Variants in RBM47 observed in about 807,000 individuals in gnomAD.
RBM47 encodes the protein RNA binding motif protein 47.
RBM47 carries 21 observed loss-of-function variants against 47.1 expected under a neutral mutation model. The observed-to-expected ratio is 0.45, with a 90% CI of 0.32 to 0.64. The LOEUF is 0.64. Ranked by LOEUF, RBM47 falls within the 30% of genes least tolerant of loss-of-function variation. The pLI is 0.05. For synonymous variants in RBM47, 375 were observed against 361.7 expected, an observed-to-expected ratio of 1.04 and a Z score of -0.42; for missense variants, 708 against 870.9, an observed-to-expected ratio of 0.81 and a Z score of 2.35.
chr4:40,572,718 C>G (rs1170340784), intron 1 of RBM47, among the ~76,000 whole-genome samples: 1 of 151,458 alleles, frequency 6.6e-6, no homozygotes, highest in African/African-American at 2.4e-5. Flanking sequence ...GACCTTATCT[C>G]TATTTTTTAA....
chr4:40,625,903 T>TA (rs1737695175), intron 1 of RBM47, among the ~76,000 whole-genome samples: 1 of 152,198 alleles, frequency 6.6e-6, no homozygotes, highest in Non-Finnish European at 1.5e-5. Flanking sequence ...TTTTCAGGGT[T>TA]ACACTAGCAC....
chr4:40,451,591 G>GT (rs920945079), intron 3 of RBM47, among the ~76,000 whole-genome samples: 15 of 151,566 alleles, frequency 9.9e-5, no homozygotes, highest in African/African-American at 2.2e-4. Flanking sequence ...AAAATTTACA[G>GT]TTTTTTTTTA....
intron 2 of RBM47, among the ~76,000 whole-genome samples, chr4:40,488,348 TG>T (rs1240009283): frequency 3.9e-4 from 4 of 10,288 alleles, no homozygotes; most frequent in African/African-American, 1.6e-3. Flanking sequence ...AAAAAAAGGG[TG>T]GGGGGGAAGG....
At chr4:40,493,846 C>T (rs910991634) in intron 2 of RBM47, among the ~76,000 whole-genome samples, 4 of 150,066 alleles carry the variant, frequency 2.7e-5, no homozygotes, top group Non-Finnish European at 4.4e-5. Flanking sequence ...GGTTGAGGCA[C>T]GAGAGTTGCT....
Position 40,425,493 on chromosome 4 carries a change from A to T in RBM47, c.*411T>A, listed in dbSNP as rs1714896588. 6.3e-6 allele frequency: 1 copy of T among 157,826 alleles called. No homozygotes were observed. Among genetic ancestry groups the T allele is most frequent in the African/African-American group, 2.4e-5 (1 of 41,522 alleles). The allele number at this position is 157,826 out of a possible 1,614,324, so 9.8% of individuals were successfully genotyped here. ...TTCAAAATAGTTCCCTAGCTCCTCAAGTGTGCTTTTTTAATATATAGTTGA... is the reference window on the plus strand; with the variant it reads ...TTCAAAATAGTTCCCTAGCTCCTCATGTGTGCTTTTTTAATATATAGTTGA... On this transcript the variant is annotated 3_prime_UTR_variant, in exon 7 of 7. Coordinates refer to ENST00000295971, the MANE Select transcript of RBM47 (RefSeq NM_001098634.2).
intron 2 of RBM47, among the ~76,000 whole-genome samples, chr4:40,479,595 A>AAAATAAATAAAT (rs549953610): frequency 2.0e-4 from 31 of 151,438 alleles, no homozygotes; most frequent in South Asian, 6.3e-4. Flanking sequence ...TCCTGTCTCA[A>AAAATAAATAAAT]AAATAAATAA....
At chr4:40,490,951 G>T (rs1721788031) in intron 2 of RBM47, among the ~76,000 whole-genome samples, 1 of 152,046 alleles carries the variant, frequency 6.6e-6, no homozygotes, top group African/African-American at 2.4e-5. Flanking sequence ...AAGGGGCCCA[G>T]AATAGCCAAA....
Position 40,436,553 on chromosome 4 carries a change from A to G in RBM47, c.1218T>C (p.Gly406=), listed in dbSNP as rs781536793. The G allele has an allele frequency of 1.2e-6, 2 of 1,614,152 alleles. No individual in the cohort carries two copies. Among genetic ancestry groups the G allele is most frequent in the South Asian group, 2.2e-5 (2 of 91,088 alleles). ...TCCCTTCATGATATCGGCTATATATACCACGACCAGCAGAATATCCCCCGA... is the reference window on the plus strand; with the variant it reads ...TCCCTTCATGATATCGGCTATATATGCCACGACCAGCAGAATATCCCCCGA... ...SYLGGYSAGR[G]IYSRYHEGKG... Residue 406 remains glycine, a synonymous_variant, in exon 5 of 7, where the codon GGT becomes GGC. Coordinates refer to ENST00000295971, the MANE Select transcript of RBM47 (RefSeq NM_001098634.2).
chr4:40,438,882 C>T lies in RBM47; in HGVS notation c.12G>A (p.Glu4=). 6.4e-7 allele frequency: 1 copy of T among 1,551,752 alleles called. No individual in the cohort carries two copies. The highest frequency in any genetic ancestry group is 8.7e-7 in the Non-Finnish European group (1 of 1,154,278). The change falls in exon 4 of 7, where the codon GAG becomes GAA. Residue 4 remains glutamate (E), a synonymous_variant. Transcript: ENST00000295971. ...CACTGCTCATGGCTGCGGTGGAATCCTCTGCGGTCATAATGTCAAAGGCAT... is the reference window on the plus strand; with the variant it reads ...CACTGCTCATGGCTGCGGTGGAATCTTCTGCGGTCATAATGTCAAAGGCAT... MTA[E]DSTAAMSSDS...
intron 2 of RBM47, among the ~76,000 whole-genome samples, chr4:40,521,977 T>C (rs576477548): frequency 6.6e-6 from 1 of 152,324 alleles, no homozygotes; most frequent in Admixed American, 6.5e-5. Flanking sequence ...TGAGATCAGC[T>C]ATGACATTAA....
At chr4:40,529,627 G>T (rs1259597780) in intron 2 of RBM47, among the ~76,000 whole-genome samples, 1 of 148,624 alleles carries the variant, frequency 6.7e-6, no homozygotes, top group Non-Finnish European at 1.5e-5. Context: ...CGAAGAGCTC[G>T]AGACAAGTCT....
chr4:40,505,116 A>G (rs1723911554), intron 2 of RBM47, among the ~76,000 whole-genome samples: 2 of 152,146 alleles, frequency 1.3e-5, no homozygotes, highest in African/African-American at 4.8e-5. Flanking sequence ...GCTTGAGGCC[A>G]GGAGTTTGAG....
chr4:40,606,547 C>T (rs559508944), intron 1 of RBM47, among the ~76,000 whole-genome samples: 3 of 152,130 alleles, frequency 2.0e-5, no homozygotes, highest in African/African-American at 4.8e-5. Context: ...ACCGACGGCC[C>T]GCCTGGCCCC....
At chr4:40,530,591 C>T (rs1477034534) in intron 2 of RBM47, among the ~76,000 whole-genome samples, 1 of 152,198 alleles carries the variant, frequency 6.6e-6, no homozygotes, top group African/African-American at 2.4e-5. Context: ...TGAAGCACCG[C>T]GTCCAGCCCT....
intron 2 of RBM47, among the ~76,000 whole-genome samples, chr4:40,498,551 G>T (rs1434398334): frequency 6.6e-6 from 1 of 151,284 alleles, no homozygotes; most frequent in Non-Finnish European, 1.5e-5. Context: ...GGTGGTGCTT[G>T]TCTGAAGTCC....
At chr4:40,446,989 G>A (rs2154217531) in intron 3 of RBM47, among the ~76,000 whole-genome samples, 1 of 152,248 alleles carries the variant, frequency 6.6e-6, no homozygotes, top group African/African-American at 2.4e-5. Flanking sequence ...CTCCACTGGT[G>A]ATGTGGCTTA....
At position 40,529,760 on chromosome 4, in the gene RBM47, C is replaced by T. The variant is rs191989405; in HGVS notation, c.-155+14662G>A. Among the ~76,000 whole-genome samples, 240 of 149,244 alleles carry T rather than the reference C, an allele frequency of 1.6e-3. 3 individuals carry two copies. Among genetic ancestry groups the T allele is most frequent in the Admixed American group, 0.011 (167 of 14,902 alleles). On this transcript the variant is annotated intron_variant, in intron 2 of 6. Coordinates refer to ENST00000295971, the MANE Select transcript of RBM47 (RefSeq NM_001098634.2). ...AGGAGAATTGCCTGAACCCGGAAGG[C>T]GGAGGTTGCAGTGAGCCGAGATTGT...
intron 2 of RBM47, among the ~76,000 whole-genome samples, chr4:40,500,990 A>G (rs941890439): frequency 1.3e-5 from 2 of 152,124 alleles, no homozygotes; most frequent in Non-Finnish European, 2.9e-5. Context: ...CTGCAAGTCA[A>G]TATTTAAACT....
At chr4:40,455,799 G>A (rs1490171832) in intron 3 of RBM47, among the ~76,000 whole-genome samples, 1 of 152,196 alleles carries the variant, frequency 6.6e-6, no homozygotes, top group Non-Finnish European at 1.5e-5. Flanking sequence ...CCTGGCTACA[G>A]TAAATGCTCA....
Sources: gnomAD v4.1 joint callset for allele counts (sites outside exome capture counted in the v4.1 genomes callset) on GRCh38, gnomAD v4.1.1 for gene constraint, MANE v1.5 for transcripts, NCBI Gene and HGNC (gene_info 2026-07-23, HGNC 2026-07-21) for gene names.